Variants in TNNI3K observed in about 807,000 individuals in gnomAD.
TNNI3K encodes serine/threonine-protein kinase TNNI3K.
TNNI3K carries 140 observed loss-of-function variants against 114.5 expected under a neutral mutation model. That is an observed-to-expected ratio of 1.22 (90% CI 1.07 to 1.41). The LOEUF (loss-of-function observed/expected upper bound fraction) is 1.41. Among genes scored for constraint, TNNI3K ranks in the 40% most tolerant of loss-of-function variants. The probability of loss-of-function intolerance (pLI) is 0.00; values close to 1 mark genes in which losing one functional copy is unlikely to be tolerated. For synonymous variants in TNNI3K, 347 were observed against 347.5 expected, an observed-to-expected ratio of 1.00 and a Z score of 0.02; for missense variants, 1,125 against 1,007.6, an observed-to-expected ratio of 1.12 and a Z score of -1.58.
chr1:74,394,685 G>A (rs150243710), intron 17 of TNNI3K, among the ~76,000 whole-genome samples: 1 of 152,186 alleles, frequency 6.6e-6, no homozygotes, highest in African/African-American at 2.4e-5. Flanking sequence ...TACTTGAAAA[G>A]CCTCTGAGCT....
intron 5 of TNNI3K, among the ~76,000 whole-genome samples, chr1:74,287,780 C>T (rs912863824): frequency 6.6e-6 from 1 of 151,996 alleles, no homozygotes; most frequent in African/African-American, 2.4e-5. Flanking sequence ...AAACAATCAA[C>T]AGAATAAAGA....
chr1:74,425,731 T>A (rs1356322655), intron 17 of TNNI3K, among the ~76,000 whole-genome samples: 1 of 152,098 alleles, frequency 6.6e-6, no homozygotes, highest in African/African-American at 2.4e-5. Flanking sequence ...TGGGGATATT[T>A]ATTTAGAGAA....
chr1:74,498,622 A>G (rs1183423638), intron 23 of TNNI3K, among the ~76,000 whole-genome samples: 2 of 152,188 alleles, frequency 1.3e-5, no homozygotes, highest in Non-Finnish European at 2.9e-5. Context: ...AAGTGAGTAA[A>G]ACTCTGGCAT....
chr1:74,277,627 A>C (rs1656763329), intron 5 of TNNI3K, among the ~76,000 whole-genome samples: 1 of 152,138 alleles, frequency 6.6e-6, no homozygotes, highest in Non-Finnish European at 1.5e-5. Flanking sequence ...TAACTCCTTA[A>C]AAAGTTGTTA....
At chr1:74,533,110 C>A (rs1570751351) in intron 23 of TNNI3K, among the ~76,000 whole-genome samples, 1 of 152,136 alleles carries the variant, frequency 6.6e-6, no homozygotes, top group Non-Finnish European at 1.5e-5. Context: ...AAAGAAAGTA[C>A]CGTCAGAGTG....
At chr1:74,274,518 A>G (rs1460701987) in intron 5 of TNNI3K, among the ~76,000 whole-genome samples, 2 of 152,090 alleles carry the variant, frequency 1.3e-5, no homozygotes, top group African/African-American at 4.8e-5. Context: ...GAAATATAGG[A>G]ATGATACAAC....
At chr1:74,353,082 G>A (rs910285674) in intron 9 of TNNI3K, among the ~76,000 whole-genome samples, 184 bp from the exon 10 acceptor site, 2 of 151,982 alleles carry the variant, frequency 1.3e-5, no homozygotes, top group African/African-American at 2.4e-5. Flanking sequence ...GTTCCTATTC[G>A]GCCATCTTGG....
intron 10 of TNNI3K, 93 bp downstream of exon 10, chr1:74,353,453 T>A: frequency 7.5e-7 from 1 of 1,326,882 alleles, no homozygotes; most frequent in Non-Finnish European, 1.0e-6. Flanking sequence ...TTGGGAGTGC[T>A]CAACTCCAGT....
intron 4 of TNNI3K, among the ~76,000 whole-genome samples, chr1:74,269,090 A>T (rs1235329765): frequency 6.6e-6 from 1 of 151,870 alleles, no homozygotes. Flanking sequence ...TTTAATACTT[A>T]TCCTTGAAAT....
intron 17 of TNNI3K, chr1:74,376,952 G>A (rs1234094585): frequency 2.6e-5 from 4 of 151,998 alleles, no homozygotes; most frequent in Admixed American, 2.6e-4. Flanking sequence ...AGGAAACATT[G>A]TTCTAGTGCA....
At chr1:74,336,335 GT>G (rs1660462458) in intron 7 of TNNI3K, among the ~76,000 whole-genome samples, 186 bp downstream of exon 7, 2 of 151,958 alleles carry the variant, frequency 1.3e-5, no homozygotes, top group South Asian at 4.1e-4. Flanking sequence ...TTCTTAACAT[GT>G]TTTAGCTCAA....
chr1:74,443,953 TC>T (rs1447554580), intron 20 of TNNI3K, among the ~76,000 whole-genome samples: 1 of 152,162 alleles, frequency 6.6e-6, no homozygotes, highest in African/African-American at 2.4e-5. Flanking sequence ...TTGATACAAT[TC>T]AACATCCCTT....
At chr1:74,462,386 G>A (rs1378862755) in intron 20 of TNNI3K, among the ~76,000 whole-genome samples, 1 of 152,166 alleles carries the variant, frequency 6.6e-6, no homozygotes, top group Admixed American at 6.5e-5. Flanking sequence ...CAGCAGCAAT[G>A]TCCTGGAACT....
chr1:74,400,064 T>A lies in TNNI3K; in HGVS notation c.1772+29672T>A, dbSNP rs141720188. ...AGCCATTCTTCCAAAAACAAACCCT[T>A]AAAGAATAAAATACATTTGTATAAG... On this transcript the variant is annotated intron_variant, in intron 17 of 24. Transcript: ENST00000326637. 1.8e-3 allele frequency among the ~76,000 whole-genome samples: 275 copies of A among 152,268 alleles called. 2 individuals are homozygous for A. The highest frequency in any genetic ancestry group is 6.2e-3 in the African/African-American group (259 of 41,560).
At chr1:74,464,650 A>G (rs761375301) in intron 21 of TNNI3K, 23 of 1,591,722 alleles carry the variant, frequency 1.4e-5, no homozygotes, top group African/African-American at 1.1e-4. Flanking sequence ...ATCCAGACCA[A>G]GTCATTACCC....
At chr1:74,377,185 G>T (rs1000757326) in intron 17 of TNNI3K, 1 of 152,036 alleles carries the variant, frequency 6.6e-6, no homozygotes, top group Admixed American at 6.6e-5. Flanking sequence ...TGCTGCCAGA[G>T]TAAAGTGGGA....
chr1:74,335,650 G>A (rs1261864989), intron 6 of TNNI3K, among the ~76,000 whole-genome samples: 3 of 152,154 alleles, frequency 2.0e-5, no homozygotes, highest in African/African-American at 7.2e-5. Flanking sequence ...GGTTTCTGGA[G>A]AGTTTTTAAG....
chr1:74,530,061 C>A (rs1161569646), intron 23 of TNNI3K, among the ~76,000 whole-genome samples: 2 of 152,132 alleles, frequency 1.3e-5, no homozygotes, highest in African/African-American at 4.8e-5. Context: ...ACCTCCTGGC[C>A]TCAAGAGATC....
Position 74,489,213 on chromosome 1 carries a change from G to T in TNNI3K, c.2146G>T (p.Val716Phe). Residue 716 changes from valine to phenylalanine, a missense_variant, in exon 22 of 25, where the codon GTC becomes TTC. Val to Phe is a conservative substitution (Grantham distance 50). Transcript: ENST00000326637. Reference sequence around the variant, plus strand: ...GGGAAGACCCGAATTTTCTGAAGTTGTCATGAAGTTAGAAGAGTGTCTCTG... The same window carrying T: ...GGGAAGACCCGAATTTTCTGAAGTTTTCATGAAGTTAGAAGAGTGTCTCTG... ...PEGRPEFSEV[V>F]MKLEECLCNI... 3 of 1,612,060 alleles carry T rather than the reference G, an allele frequency of 1.9e-6. No individual in the cohort carries two copies. Among genetic ancestry groups the T allele is most frequent in the South Asian group, 1.1e-5 (1 of 90,606 alleles).
Sources: gnomAD v4.1 joint callset for allele counts (sites outside exome capture counted in the v4.1 genomes callset) on GRCh38, gnomAD v4.1.1 for gene constraint, MANE v1.5 for transcripts, NCBI Gene and HGNC (gene_info 2026-07-23, HGNC 2026-07-21) for gene names.